SSBP2: variants seen among roughly 807,000 people sequenced by gnomAD.
SSBP2 encodes single-stranded DNA-binding protein 2.
In SSBP2, 17 loss-of-function variants were observed where a neutral mutation model predicts 61.8. The ratio of observed to expected loss-of-function variants is 0.28; its 90% CI spans 0.19 to 0.41. SSBP2 has a LOEUF of 0.41. SSBP2 is among the 10% of genes least tolerant of loss of function. The pLI, the probability that SSBP2 is intolerant of heterozygous loss-of-function variation, is 1.00. For synonymous variants in SSBP2, 139 were observed against 141.3 expected, an observed-to-expected ratio of 0.98 and a Z score of 0.12; for missense variants, 310 against 458.7, an observed-to-expected ratio of 0.68 and a Z score of 2.96.
At chr5:81,708,584 CATTTTT>C (rs893566632) in intron 1 of SSBP2, among the ~76,000 whole-genome samples, 3 of 152,142 alleles carry the variant, frequency 2.0e-5, no homozygotes, top group African/African-American at 7.2e-5. Context: ...AAATTCACTG[CATTTTT>C]ATTTTATCAT....
chr5:81,612,631 A>G (rs1745563291), intron 4 of SSBP2, among the ~76,000 whole-genome samples: 1 of 152,120 alleles, frequency 6.6e-6, no homozygotes, highest in Admixed American at 6.5e-5. Context: ...CTTATAGATA[A>G]GAAGTAACTA....
intron 4 of SSBP2, among the ~76,000 whole-genome samples, chr5:81,598,249 G>C (rs554192074): frequency 5.9e-5 from 9 of 152,012 alleles, no homozygotes; most frequent in African/African-American, 1.9e-4. Flanking sequence ...ATTACATACA[G>C]AGGAACAATG....
chr5:81,503,339 A>T (rs920200569), intron 5 of SSBP2, among the ~76,000 whole-genome samples: 2 of 152,174 alleles, frequency 1.3e-5, no homozygotes, highest in Non-Finnish European at 2.9e-5. Context: ...CTGTAATCCC[A>T]GCTACTCGGG....
intron 5 of SSBP2, among the ~76,000 whole-genome samples, chr5:81,495,984 A>G (rs1047150998): frequency 6.6e-6 from 1 of 152,184 alleles, no homozygotes; most frequent in Non-Finnish European, 1.5e-5. Flanking sequence ...GATGAAGAAA[A>G]GAATAACAAT....
At chr5:81,425,831 A>G (rs1018789260) in intron 16 of SSBP2, among the ~76,000 whole-genome samples, 3 of 152,092 alleles carry the variant, frequency 2.0e-5, no homozygotes, top group Admixed American at 2.0e-4. Flanking sequence ...TTTTGTTTCT[A>G]TATTAATTGA....
intron 1 of SSBP2, among the ~76,000 whole-genome samples, chr5:81,716,076 C>CAA (rs755112785): frequency 7.0e-6 from 1 of 142,418 alleles, no homozygotes; most frequent in Non-Finnish European, 1.5e-5. Context: ...ACAACAACAA[C>CAA]AACAAAAAAA....
intron 16 of SSBP2, among the ~76,000 whole-genome samples, chr5:81,421,543 T>C (rs1166934647): frequency 1.3e-5 from 2 of 152,148 alleles, no homozygotes; most frequent in African/African-American, 4.8e-5. Context: ...AGGAACATCA[T>C]TGTTACATGC....
chr5:81,562,151 T>C (rs1773094256), intron 4 of SSBP2, among the ~76,000 whole-genome samples: 1 of 151,978 alleles, frequency 6.6e-6, no homozygotes, highest in South Asian at 2.1e-4. Context: ...AGTGATCCAC[T>C]GGCTTCGGCC....
intron 1 of SSBP2, among the ~76,000 whole-genome samples, chr5:81,688,391 T>C (rs1325230277): frequency 6.6e-6 from 1 of 152,170 alleles, no homozygotes; most frequent in Non-Finnish European, 1.5e-5. Context: ...GACTTTGCCA[T>C]CTGCTGATTA....
chr5:81,747,872 G>A (rs1201860558), intron 1 of SSBP2, among the ~76,000 whole-genome samples: 1 of 152,120 alleles, frequency 6.6e-6, no homozygotes. Flanking sequence ...AACAAGATCA[G>A]AATTAAAATT....
intron 1 of SSBP2, among the ~76,000 whole-genome samples, chr5:81,749,688 T>C (rs190249730): frequency 1.2e-3 from 183 of 152,038 alleles, no homozygotes; most frequent in African/African-American, 4.0e-3. Context: ...GGGGGGGTTC[T>C]TCCTCAGTGA....
At chr5:81,688,334 G>C (rs1752973281) in intron 1 of SSBP2, among the ~76,000 whole-genome samples, 1 of 152,222 alleles carries the variant, frequency 6.6e-6, no homozygotes, top group South Asian at 2.1e-4. Context: ...ATCCGCCCAG[G>C]ACCAGGGGAA....
upstream of SSBP2, chr5:81,751,168 T>C: frequency 1.0e-6 from 1 of 987,150 alleles, no homozygotes; most frequent in Non-Finnish European, 1.5e-6. Context: ...ACGCCAAAGC[T>C]CCGCCCCCTT....
At chr5:81,472,313 C>CAGCA (rs1423635752) in intron 8 of SSBP2, among the ~76,000 whole-genome samples, 5 of 152,166 alleles carry the variant, frequency 3.3e-5, no homozygotes, top group African/African-American at 4.8e-5. Context: ...TATCCTGGAA[C>CAGCA]AGCACTCTTA....
At chr5:81,600,706 G>A (rs1217851455) in intron 4 of SSBP2, among the ~76,000 whole-genome samples, 2 of 151,694 alleles carry the variant, frequency 1.3e-5, no homozygotes, top group Admixed American at 6.6e-5. Context: ...TGAAAAAAAG[G>A]AAGGAGAAGC....
chr5:81,432,525 T>C (rs1056843229), intron 15 of SSBP2, among the ~76,000 whole-genome samples: 3 of 152,108 alleles, frequency 2.0e-5, no homozygotes, highest in African/African-American at 7.2e-5. Context: ...GCCAGGCAGA[T>C]CACGATGTCA....
intron 4 of SSBP2, among the ~76,000 whole-genome samples, chr5:81,560,880 C>G (rs1052000431): frequency 2.6e-5 from 4 of 152,018 alleles, no homozygotes; most frequent in African/African-American, 9.7e-5. Flanking sequence ...GACCTACTGT[C>G]TTAACAAATT....
rs547486580 is a variant in SSBP2, at chr5:81,664,743, CTTGT to C, written c.63-14408_63-14405del. Among the ~76,000 whole-genome samples the C allele has an allele frequency of 4.9e-3, 742 of 152,142 alleles. 4 individuals carry two copies. The highest frequency in any genetic ancestry group is 0.017 in the African/African-American group (692 of 41,516). ...AATTTTTTAGAAAGAAATAAATTGGCTTGTTTAATTGGGGTGACAGATTTTTGGT... is the reference window on the plus strand; with the variant it reads ...AATTTTTTAGAAAGAAATAAATTGGCTTAATTGGGGTGACAGATTTTTGGT... On this transcript the variant is annotated intron_variant, in intron 1 of 16. Transcript: ENST00000320672.
At chr5:81,641,714 G>GA (rs1043219392) in intron 2 of SSBP2, among the ~76,000 whole-genome samples, 13 of 152,034 alleles carry the variant, frequency 8.6e-5, no homozygotes, top group Admixed American at 6.6e-4. Flanking sequence ...AGTATTGTTA[G>GA]AAAAAAATGA....
Sources: gnomAD v4.1 joint callset for allele counts (sites outside exome capture counted in the v4.1 genomes callset) on GRCh38, gnomAD v4.1.1 for gene constraint, MANE v1.5 for transcripts, NCBI Gene and HGNC (gene_info 2026-07-23, HGNC 2026-07-21) for gene names.